ACOXL: variants seen among roughly 807,000 people sequenced by gnomAD.
ACOXL encodes the protein acyl-CoA oxidase like, also known as acyl-coenzyme A oxidase-like protein.
Under a neutral mutation model 71.9 loss-of-function variants are expected in ACOXL, and 70 were observed. That is an observed-to-expected ratio of 0.97 (90% confidence interval 0.80 to 1.19). The LOEUF (loss-of-function observed/expected upper bound fraction) is 1.19. Among genes scored for constraint, ACOXL ranks in the 50% most tolerant of loss-of-function variants. The pLI is 0.00. For missense variants in ACOXL, 703 were observed against 736.3 expected, an observed-to-expected ratio of 0.95 and a Z score of 0.52; for synonymous variants, 253 against 281.6, an observed-to-expected ratio of 0.90 and a Z score of 1.02.
At chr2:110,930,037 G>T (rs145957416) in intron 11 of ACOXL, among the ~76,000 whole-genome samples, 1 of 152,192 alleles carries the variant, frequency 6.6e-6, no homozygotes, top group Non-Finnish European at 1.5e-5. Flanking sequence ...AGTCCCCATC[G>T]GGGTACTGCC....
At chr2:110,930,229 G>T (rs939528012) in intron 11 of ACOXL, among the ~76,000 whole-genome samples, 1 of 152,236 alleles carries the variant, frequency 6.6e-6, no homozygotes, top group Non-Finnish European at 1.5e-5. Flanking sequence ...GCATCAGTGT[G>T]ATCTGGACGT....
At chr2:110,868,179 A>T (rs1167892020) in intron 10 of ACOXL, among the ~76,000 whole-genome samples, 2 of 152,226 alleles carry the variant, frequency 1.3e-5, no homozygotes, top group African/African-American at 4.8e-5. Context: ...AAGGTAGCTA[A>T]GCTTTGGAAA....
chr2:110,911,222 T>G (rs963612771), intron 11 of ACOXL, among the ~76,000 whole-genome samples: 2 of 151,980 alleles, frequency 1.3e-5, no homozygotes, highest in African/African-American at 2.4e-5. Context: ...GGATATTAGG[T>G]AAATAATTTT....
At chr2:111,035,715 T>C (rs1158634271) in intron 15 of ACOXL, among the ~76,000 whole-genome samples, 3 of 152,258 alleles carry the variant, frequency 2.0e-5, no homozygotes, top group Non-Finnish European at 4.4e-5. Flanking sequence ...AATTTCAGAC[T>C]CCTCTCAAGG....
At chr2:111,071,722 A>G (rs2067351619) in intron 16 of ACOXL, among the ~76,000 whole-genome samples, 1 of 152,156 alleles carries the variant, frequency 6.6e-6, no homozygotes, top group South Asian at 2.1e-4. Flanking sequence ...CCTGCTTATT[A>G]TGCAGCTCAG....
rs933896605 is a variant in ACOXL at position 110,799,707 on chromosome 2, T to G, written c.547+607T>G. On this transcript the variant is annotated intron_variant, in intron 7 of 17. Coordinates refer to ENST00000439055, the MANE Select transcript of ACOXL (RefSeq NM_001142807.4). Reference sequence around the variant, plus strand: ...AGAACTTTTCTGTCTTACAAGAGGATTGTAAAATGCACCAATCAGCACTCT... The same window carrying G: ...AGAACTTTTCTGTCTTACAAGAGGAGTGTAAAATGCACCAATCAGCACTCT... Among the ~76,000 whole-genome samples the G allele has an allele frequency of 2.0e-5, 3 of 152,112 alleles. No individual in the cohort carries two copies. In the East Asian group the frequency reaches 5.8e-4, roughly 29 times the overall value.
intron 16 of ACOXL, among the ~76,000 whole-genome samples, chr2:111,087,876 G>A (rs531610170): frequency 6.6e-6 from 1 of 152,286 alleles, no homozygotes; most frequent in Admixed American, 6.5e-5. Context: ...CAGAATGGGA[G>A]AAAATATTTG....
chr2:111,064,423 G>C (rs1315559772), intron 16 of ACOXL, among the ~76,000 whole-genome samples: 1 of 126,164 alleles, frequency 7.9e-6, no homozygotes, highest in African/African-American at 3.0e-5. Context: ...GCGAAAGAGC[G>C]ACACTCCATC....
At chr2:110,995,430 G>T (rs1261010242) in intron 13 of ACOXL, among the ~76,000 whole-genome samples, 1 of 139,608 alleles carries the variant, frequency 7.2e-6, no homozygotes, top group Non-Finnish European at 1.5e-5. Context: ...AACCCAGGAG[G>T]TGGAGGTTGC....
chr2:111,111,083 A>C (rs982493586), intron 17 of ACOXL, among the ~76,000 whole-genome samples: 2 of 152,058 alleles, frequency 1.3e-5, no homozygotes, highest in African/African-American at 4.8e-5. Context: ...CAGTTGATTA[A>C]GTTTTTTTAA....
chr2:110,819,678 C>T (rs1328274560), intron 9 of ACOXL, among the ~76,000 whole-genome samples: 1 of 152,072 alleles, frequency 6.6e-6, no homozygotes, highest in Non-Finnish European at 1.5e-5. Flanking sequence ...TTGAACAATC[C>T]TCATTTGTTG....
intron 10 of ACOXL, among the ~76,000 whole-genome samples, chr2:110,877,619 C>T (rs968536819): frequency 1.3e-5 from 2 of 152,162 alleles, no homozygotes; most frequent in South Asian, 2.1e-4. Context: ...ACAGAGACTC[C>T]GCTCTACTTG....
chr2:110,937,432 G>A (rs1211174044), intron 12 of ACOXL, among the ~76,000 whole-genome samples: 1 of 152,118 alleles, frequency 6.6e-6, no homozygotes, highest in Non-Finnish European at 1.5e-5. Flanking sequence ...CAGGAACCAG[G>A]GATGAAACAC....
Position 110,784,924 on chromosome 2 carries a change from G to T in ACOXL, c.159+109G>T, listed in dbSNP as rs1384982145. ...TCTCAGTCTATGTAGTGGCACAGGTGTTGGTAAAATTGCATACCTCAAAAC... is the reference window on the plus strand; with the variant it reads ...TCTCAGTCTATGTAGTGGCACAGGTTTTGGTAAAATTGCATACCTCAAAAC... On this transcript the variant is annotated intron_variant, in intron 3 of 17. Transcript: ENST00000439055. The T allele has an allele frequency of 5.3e-6, 5 of 945,740 alleles. No homozygotes were observed. The Admixed American group carries it at 1.8e-4, about 33-fold the overall frequency. The allele number at this position is 945,740 out of a possible 1,614,324, so 58.6% of individuals were successfully genotyped here.
intron 15 of ACOXL, 90 bp from the exon 16 acceptor site, chr2:111,049,128 G>T (rs1332304599): frequency 9.9e-6 from 10 of 1,012,086 alleles, no homozygotes; most frequent in South Asian, 9.7e-5. Context: ...TGCTGTTTAC[G>T]TCTGTTATAA....
rs558947956 is a variant in ACOXL, at chr2:111,004,527, G to A, written c.1281+8523G>A. 4.6e-5 allele frequency among the ~76,000 whole-genome samples: 7 copies of A among 152,294 alleles called. No homozygotes were observed. The East Asian group carries it at 1.4e-3, about 29-fold the overall frequency. ...AGCCAGGAAATGCCCTTCCTTCAAT[G>A]TGTTGGTGGCCATGGAAGGAGTCCA... On this transcript the variant is annotated intron_variant, in intron 14 of 17. Coordinates refer to ENST00000439055, the MANE Select transcript of ACOXL (RefSeq NM_001142807.4).
Position 110,900,086 on chromosome 2 carries a change from TACACACACACACAC to T in ACOXL, c.789-8672_789-8659del, listed in dbSNP as rs60758688. ...GAAAGCTTTTCAACACACACACACA[TACACACACACACAC>T]ACACACACACACACACACACACACA... On this transcript the variant is annotated intron_variant, in intron 10 of 17. Coordinates refer to ENST00000439055, the MANE Select transcript of ACOXL (RefSeq NM_001142807.4). Among the ~76,000 whole-genome samples the T allele has an allele frequency of 4.3e-4, 62 of 143,324 alleles. 1 individual carries two copies. The East Asian group carries it at 5.1e-3, about 12-fold the overall frequency. The allele number at this position is 143,324 out of a possible 152,430, so 94.0% of individuals were successfully genotyped here.
chr2:110,837,117 C>T (rs1294182396), intron 9 of ACOXL, among the ~76,000 whole-genome samples: 1 of 152,212 alleles, frequency 6.6e-6, no homozygotes, highest in African/African-American at 2.4e-5. Context: ...ATGGCCCCTC[C>T]AGCATGGGAC....
intron 9 of ACOXL, among the ~76,000 whole-genome samples, chr2:110,828,406 C>T (rs1486864597): frequency 2.0e-5 from 3 of 152,312 alleles, no homozygotes; most frequent in East Asian, 1.9e-4. Flanking sequence ...TCAATACTGT[C>T]ATGACTCTTT....
Sources: allele counts gnomAD v4.1 joint callset (sites outside exome capture counted in the v4.1 genomes callset), GRCh38; gene constraint gnomAD v4.1.1; transcripts MANE v1.5; gene names NCBI Gene and HGNC (gene_info 2026-07-23, HGNC 2026-07-21).